Variants in PCDHGA5 observed in about 807,000 individuals in gnomAD.
PCDHGA5 encodes the protein protocadherin gamma-A5.
PCDHGA5 carries 36 observed loss-of-function variants against 56.7 expected under a neutral mutation model. The ratio of observed to expected loss-of-function variants is 0.64; its 90% CI spans 0.49 to 0.84. The LOEUF (loss-of-function observed/expected upper bound fraction) is 0.84, where lower values mean the gene tolerates loss of function less well. Among genes scored for constraint, PCDHGA5 ranks in the 40% least tolerant of loss-of-function variants. The pLI is 0.00. For missense variants in PCDHGA5, 1,305 were observed against 1,201.5 expected, an observed-to-expected ratio of 1.09 and a Z score of -1.27; for synonymous variants, 563 against 520.2, an observed-to-expected ratio of 1.08 and a Z score of -1.12.
chr5:141,399,908 C>G (rs141997055), intron 1 of PCDHGA5: 2 of 1,612,300 alleles, frequency 1.2e-6, no homozygotes, highest in African/African-American at 1.3e-5. Context: ...GACGCAGACT[C>G]AGGACACAAC....
At chr5:141,468,748 C>T (rs2099176836) in intron 1 of PCDHGA5, among the ~76,000 whole-genome samples, 1 of 151,866 alleles carries the variant, frequency 6.6e-6, no homozygotes, top group South Asian at 2.1e-4. Context: ...TGCCTGTAGT[C>T]CCAGCTACTC....
At chr5:141,388,794 A>G (rs879026266) in intron 1 of PCDHGA5, 1 of 1,613,898 alleles carries the variant, frequency 6.2e-7, no homozygotes, top group Non-Finnish European at 8.5e-7. Context: ...TGTTTTAAAT[A>G]CATTAGATTT....
At chr5:141,428,147 G>A (rs771536400) in intron 1 of PCDHGA5, 2 of 1,589,610 alleles carry the variant, frequency 1.3e-6, no homozygotes, top group Admixed American at 1.7e-5. Context: ...GGCTGCACAC[G>A]GGAACCTGCT....
intron 1 of PCDHGA5, among the ~76,000 whole-genome samples, chr5:141,481,710 T>C (rs1447483213): frequency 6.6e-6 from 1 of 151,556 alleles, no homozygotes; most frequent in Non-Finnish European, 1.5e-5. Context: ...TCCCAGCACT[T>C]TGGGAGGCGG....
intron 1 of PCDHGA5, chr5:141,423,357 C>T: frequency 6.2e-7 from 1 of 1,614,214 alleles, no homozygotes; most frequent in Non-Finnish European, 8.5e-7. Context: ...TCTTTGTCAT[C>T]GTGCTGCTGG....
chr5:141,431,858 G>T lies in PCDHGA5; in HGVS notation c.2422-62949G>T, dbSNP rs1421209596. On this transcript the variant is annotated intron_variant, in intron 1 of 3. Coordinates refer to ENST00000518069, the MANE Select transcript of PCDHGA5 (RefSeq NM_018918.3). This position sits in a 1 kb window ranked among gnomAD's most constrained non-coding sequence, Gnocchi z 4.8. ...AAACTCTCCCAGAGGGACATTAATTGCCCTTTTAAATGTAAATGACCAAGA... is the reference window on the plus strand; with the variant it reads ...AAACTCTCCCAGAGGGACATTAATTTCCCTTTTAAATGTAAATGACCAAGA... 6.8e-6 allele frequency: 11 copies of T among 1,614,080 alleles called. No homozygotes were observed. The highest frequency in any genetic ancestry group is 8.5e-6 in the Non-Finnish European group (10 of 1,180,028).
chr5:141,424,319 G>A (rs1014361496), intron 1 of PCDHGA5: 1 of 152,006 alleles, frequency 6.6e-6, no homozygotes, highest in African/African-American at 2.4e-5. Context: ...ATATTGACTG[G>A]CTTTTAACTA....
At chr5:141,391,837 T>C (rs2092427916) in intron 1 of PCDHGA5, 1 of 152,236 alleles carries the variant, frequency 6.6e-6, no homozygotes, top group Non-Finnish European at 1.5e-5. Flanking sequence ...TTAGAATATA[T>C]GTAAAAGTCA....
At chr5:141,469,948 T>C (rs1258593339) in intron 1 of PCDHGA5, among the ~76,000 whole-genome samples, 2 of 152,110 alleles carry the variant, frequency 1.3e-5, no homozygotes, top group Admixed American at 1.3e-4. Flanking sequence ...CTGGCCAGCA[T>C]GGTGAAACCC....
chr5:141,413,298 G>A (rs1672233901), intron 1 of PCDHGA5: 3 of 1,613,950 alleles, frequency 1.9e-6, no homozygotes, highest in Non-Finnish European at 2.5e-6. Context: ...CAATTCCTGA[G>A]GAATTAGAGA....
At position 141,430,830 on chromosome 5, in the gene PCDHGA5, G is replaced by A. The variant is rs754181300; in HGVS notation, c.2422-63977G>A. The stretch of plus-strand genomic sequence containing the variant: ...CTGGGAATCCTCCTGGGGACTCTGT[G>A]GGAGACCGGATGCACCCAGATACGC... On this transcript the variant is annotated intron_variant, in intron 1 of 3. Coordinates refer to ENST00000518069, the MANE Select transcript of PCDHGA5 (RefSeq NM_018918.3). 8 of 1,554,850 alleles carry A rather than the reference G, an allele frequency of 5.1e-6. No homozygotes were observed. The East Asian group carries it at 1.6e-4, about 31-fold the overall frequency.
Position 141,431,915 on chromosome 5 carries a change from A to G in PCDHGA5, c.2422-62892A>G. 1 of 1,614,040 alleles carries G rather than the reference A, an allele frequency of 6.2e-7. No homozygotes were observed. The highest frequency in any genetic ancestry group is 8.5e-7 in the Non-Finnish European group (1 of 1,179,854). On this transcript the variant is annotated intron_variant, in intron 1 of 3. Coordinates refer to ENST00000518069, the MANE Select transcript of PCDHGA5 (RefSeq NM_018918.3). The surrounding 1 kb of genome is among the most constrained non-coding windows in gnomAD (Gnocchi z 4.8). ...GGAAAACGGACAGGTGATCTGTTTC[A>G]TCCAAGGAAATCTGCCCTTTAAATT...
At chr5:141,404,684 G>GT in intron 1 of PCDHGA5, 1 of 1,614,104 alleles carries the variant, frequency 6.2e-7, no homozygotes, top group Non-Finnish European at 8.5e-7. Flanking sequence ...TGTGGAGCTG[G>GT]CACCCCGCTC....
At chr5:141,414,290 T>C (rs781378958) in intron 1 of PCDHGA5, 1 of 1,613,272 alleles carries the variant, frequency 6.2e-7, no homozygotes, top group Admixed American at 1.7e-5. Context: ...GTCGTAGCCC[T>C]TTTAAATGTG....
intron 1 of PCDHGA5, chr5:141,383,497 C>A: frequency 6.2e-7 from 1 of 1,612,952 alleles, no homozygotes; most frequent in East Asian, 2.2e-5. Flanking sequence ...GGAGCGGGTG[C>A]TGGACCGGGA....
chr5:141,371,011 C>G, intron 1 of PCDHGA5: 4 of 1,613,966 alleles, frequency 2.5e-6, no homozygotes, highest in Non-Finnish European at 3.4e-6. Context: ...GAAGAGCAGC[C>G]ACATCACCAC....
In PCDHGA5 at chr5:141,477,825, C is replaced by A; in HGVS notation, c.2422-16982C>A. The A allele has an allele frequency of 2.5e-6, 4 of 1,614,174 alleles. No individual in the cohort carries two copies. The South Asian group carries it at 4.4e-5, about 18-fold the overall frequency. On this transcript the variant is annotated intron_variant, in intron 1 of 3. Transcript: ENST00000518069. This position sits in a 1 kb window ranked among gnomAD's most constrained non-coding sequence, Gnocchi z 4.9. ...GACAATGCCCCCCAGGTCCTATATC[C>A]TCGGCCAGGTGGGAGCTCGGTGGAG...
rs375487349 is a variant in PCDHGA5 at position 141,383,260 on chromosome 5, G to A, written c.2421+16509G>A. The A allele has an allele frequency of 7.3e-5, 118 of 1,613,782 alleles. 1 individual carries two copies. In the East Asian group the frequency reaches 2.5e-3, roughly 35 times the overall value. On this transcript the variant is annotated intron_variant, in intron 1 of 3. Coordinates refer to ENST00000518069, the MANE Select transcript of PCDHGA5 (RefSeq NM_018918.3). The stretch of plus-strand genomic sequence containing the variant: ...TAAAATGAATCTTTACCCTATAGAC[G>A]TGGAAATAATAGATATTAATGACAA...
chr5:141,478,668 T>G (rs1411369994), intron 1 of PCDHGA5: 40 of 1,551,660 alleles, frequency 2.6e-5, no homozygotes, highest in Non-Finnish European at 3.4e-5. Flanking sequence ...CATTCACACT[T>G]TCAACTGGCC....
Sources: allele counts gnomAD v4.1 joint callset (sites outside exome capture counted in the v4.1 genomes callset), GRCh38; gene constraint gnomAD v4.1.1; non-coding constraint Gnocchi (gnomAD v3.1); transcripts MANE v1.5; gene names NCBI Gene and HGNC (gene_info 2026-07-23, HGNC 2026-07-21).